GRID2: variants seen among roughly 807,000 people sequenced by gnomAD.
GRID2 encodes glutamate ionotropic receptor delta type subunit 2.
GRID2 carries 33 observed loss-of-function variants against 114.8 expected under a neutral mutation model. The observed-to-expected ratio is 0.29, with a 90% CI of 0.22 to 0.38. GRID2 has a LOEUF of 0.38. Among genes scored for constraint, GRID2 ranks in the 10% least tolerant of loss-of-function variants. The probability of loss-of-function intolerance (pLI) is 1.00; values close to 1 mark genes in which losing one functional copy is unlikely to be tolerated. For synonymous variants in GRID2, 505 were observed against 449.9 expected, an observed-to-expected ratio of 1.12 and a Z score of -1.55; for missense variants, 1,184 against 1,257.7, an observed-to-expected ratio of 0.94 and a Z score of 0.89.
At chr4:92,899,489 T>C (rs989726677) in intron 2 of GRID2, among the ~76,000 whole-genome samples, 6 of 152,182 alleles carry the variant, frequency 3.9e-5, no homozygotes, top group Admixed American at 3.9e-4. Flanking sequence ...TAACCTAGGA[T>C]AAACCCTGTG....
chr4:93,574,221 G>A (rs1736201117), intron 13 of GRID2, among the ~76,000 whole-genome samples: 1 of 152,070 alleles, frequency 6.6e-6, no homozygotes, highest in Non-Finnish European at 1.5e-5. Flanking sequence ...ATCTCTTCCA[G>A]TATCATTTAT....
intron 11 of GRID2, among the ~76,000 whole-genome samples, chr4:93,486,032 T>C (rs1726368771): frequency 6.6e-6 from 1 of 151,712 alleles, no homozygotes; most frequent in Non-Finnish European, 1.5e-5. Flanking sequence ...TCCTTTATTT[T>C]ACTCAAAAAT....
chr4:93,071,139 A>G (rs891537839), intron 2 of GRID2, among the ~76,000 whole-genome samples: 1 of 152,082 alleles, frequency 6.6e-6, no homozygotes, highest in Admixed American at 6.6e-5. Flanking sequence ...TCCTCATACT[A>G]TTGTTGACTC....
chr4:93,047,034 A>C (rs1415300382), intron 2 of GRID2, among the ~76,000 whole-genome samples: 1 of 152,018 alleles, frequency 6.6e-6, no homozygotes, highest in Non-Finnish European at 1.5e-5. Context: ...TGATGTGATG[A>C]AAATGGCACA....
chr4:92,457,891 A>G (rs1470350525), intron 1 of GRID2, among the ~76,000 whole-genome samples: 1 of 152,140 alleles, frequency 6.6e-6, no homozygotes, highest in African/African-American at 2.4e-5. Flanking sequence ...CTCTACTACA[A>G]ATTTTCAGTG....
chr4:92,933,248 G>A (rs1279165674), intron 2 of GRID2, among the ~76,000 whole-genome samples: 2 of 151,158 alleles, frequency 1.3e-5, no homozygotes, highest in East Asian at 3.9e-4. Flanking sequence ...TTATTTGTAT[G>A]TATCAGTTGC....
At chr4:93,687,809 G>A (rs1560907857) in intron 14 of GRID2, among the ~76,000 whole-genome samples, 2 of 151,892 alleles carry the variant, frequency 1.3e-5, no homozygotes, top group African/African-American at 4.8e-5. Context: ...AAGAAATGGG[G>A]TGGTAATTGA....
At chr4:92,942,224 A>C (rs554756761) in intron 2 of GRID2, among the ~76,000 whole-genome samples, 13 of 152,216 alleles carry the variant, frequency 8.5e-5, no homozygotes, top group South Asian at 6.2e-4. Flanking sequence ...GTAGGTCACT[A>C]AGGACTTGCT....
intron 12 of GRID2, among the ~76,000 whole-genome samples, chr4:93,502,836 C>A (rs1728257488): frequency 6.6e-6 from 1 of 151,488 alleles, no homozygotes; most frequent in African/African-American, 2.4e-5. Context: ...CAGCTAATAG[C>A]AAGTGGTGAG....
At chr4:92,352,040 A>T (rs1728092454) in intron 1 of GRID2, among the ~76,000 whole-genome samples, 1 of 151,890 alleles carries the variant, frequency 6.6e-6, no homozygotes, top group Non-Finnish European at 1.5e-5. Flanking sequence ...TTGCCGGATC[A>T]TATGGTAGTT....
At chr4:92,371,876 G>T (rs886861755) in intron 1 of GRID2, among the ~76,000 whole-genome samples, 1 of 152,132 alleles carries the variant, frequency 6.6e-6, no homozygotes, top group African/African-American at 2.4e-5. Flanking sequence ...CATTCAAGAT[G>T]CCACTGAGAA....
At chr4:93,663,827 C>T (rs1019632420) in intron 14 of GRID2, among the ~76,000 whole-genome samples, 1 of 151,984 alleles carries the variant, frequency 6.6e-6, no homozygotes, top group Non-Finnish European at 1.5e-5. Flanking sequence ...AAGTAGTTAC[C>T]CAGGGTATCT....
intron 2 of GRID2, among the ~76,000 whole-genome samples, chr4:93,029,390 G>A (rs958785637): frequency 1.3e-4 from 20 of 151,812 alleles, no homozygotes; most frequent in African/African-American, 4.1e-4. Flanking sequence ...AAGACATATC[G>A]ATCTAATGCA....
At chr4:92,732,400 A>T (rs1736370224) in intron 2 of GRID2, among the ~76,000 whole-genome samples, 1 of 152,036 alleles carries the variant, frequency 6.6e-6, no homozygotes, top group Non-Finnish European at 1.5e-5. Context: ...ATGTGAACAT[A>T]GTATGTGCTA....
intron 1 of GRID2, among the ~76,000 whole-genome samples, chr4:92,570,809 A>G (rs1727573821): frequency 6.6e-6 from 1 of 152,020 alleles, no homozygotes; most frequent in South Asian, 2.1e-4. Flanking sequence ...TTATCTTGAG[A>G]CTTTGCTAAA....
intron 8 of GRID2, among the ~76,000 whole-genome samples, chr4:93,251,332 C>T (rs1052640733): frequency 1.7e-4 from 26 of 152,056 alleles, no homozygotes; most frequent in Non-Finnish European, 2.9e-4. Flanking sequence ...TCTAATATAA[C>T]CTCACATGCA....
chr4:92,526,116 A>T (rs1205190187), intron 1 of GRID2, among the ~76,000 whole-genome samples: 2 of 152,004 alleles, frequency 1.3e-5, no homozygotes, highest in African/African-American at 4.8e-5. Flanking sequence ...ATCTCTAAAA[A>T]GGAAGAAGGG....
At chr4:93,252,111 T>A (rs2149532885) in intron 8 of GRID2, among the ~76,000 whole-genome samples, 1 of 152,298 alleles carries the variant, frequency 6.6e-6, no homozygotes, top group East Asian at 1.9e-4. Context: ...CTGCAATTGC[T>A]TTTGGTCTTC....
chr4:93,254,312 A>T (rs1455617530), intron 8 of GRID2, among the ~76,000 whole-genome samples: 1 of 152,160 alleles, frequency 6.6e-6, no homozygotes, highest in Non-Finnish European at 1.5e-5. Context: ...CATTTTTAAC[A>T]TAATTCCACA....
Sources: gnomAD v4.1 joint callset for allele counts (sites outside exome capture counted in the v4.1 genomes callset) on GRCh38, gnomAD v4.1.1 for gene constraint, MANE v1.5 for transcripts, NCBI Gene and HGNC (gene_info 2026-07-23, HGNC 2026-07-21) for gene names.